LDLRAD3: variants seen among roughly 807,000 people sequenced by gnomAD.
LDLRAD3 encodes the protein low density lipoprotein receptor class A domain containing 3.
A neutral mutation model predicts 29.4 loss-of-function variants in LDLRAD3; 20 were observed. The observed-to-expected ratio is 0.68, with a 90% CI of 0.48 to 0.99. LDLRAD3 has a LOEUF of 0.99. Ranked by LOEUF, LDLRAD3 falls within the 50% of genes least tolerant of loss-of-function variation. The probability of loss-of-function intolerance (pLI) is 0.00; values close to 1 mark genes in which losing one functional copy is unlikely to be tolerated. For synonymous variants in LDLRAD3, 157 were observed against 192.7 expected, an observed-to-expected ratio of 0.81 and a Z score of 1.53; for missense variants, 420 against 454.3, an observed-to-expected ratio of 0.92 and a Z score of 0.69.
chr11:36,026,361 C>T (rs1185662684), intron 1 of LDLRAD3, among the ~76,000 whole-genome samples: 5 of 152,198 alleles, frequency 3.3e-5, no homozygotes, highest in Admixed American at 2.0e-4. Flanking sequence ...TAGTGTCTCA[C>T]TGAATGTTCT....
intron 2 of LDLRAD3, among the ~76,000 whole-genome samples, chr11:36,064,187 T>C (rs1418329942): frequency 2.0e-5 from 3 of 152,242 alleles, no homozygotes; most frequent in Non-Finnish European, 4.4e-5. Context: ...ATGGAATTGT[T>C]TTCATAATTT....
intron 4 of LDLRAD3, among the ~76,000 whole-genome samples, chr11:36,149,027 G>A (rs367610335): frequency 2.6e-5 from 4 of 152,246 alleles, no homozygotes; most frequent in East Asian, 3.9e-4. Context: ...GCCCCATGTC[G>A]CACACTGGGA....
rs114854370 is a variant in LDLRAD3 at position 36,070,556 on chromosome 11, A to G, written c.194-11097A>G. ...TAGGTCCCTCATTGGCTGTGTAGCC[A>G]TGATTCTTGGAGCGGCAATAACATC... is the stretch of plus-strand genomic sequence containing the variant. On this transcript the variant is annotated intron_variant, in intron 2 of 5. Transcript: ENST00000315571. Among the ~76,000 whole-genome samples, 652 of 152,316 alleles carry G rather than the reference A, an allele frequency of 4.3e-3. 4 individuals are homozygous for G. The highest frequency in any genetic ancestry group is 0.015 in the African/African-American group (623 of 41,564).
intron 4 of LDLRAD3, among the ~76,000 whole-genome samples, chr11:36,133,034 G>A (rs1356738766): frequency 6.6e-6 from 1 of 152,166 alleles, no homozygotes; most frequent in Non-Finnish European, 1.5e-5. Context: ...ACAGCCTCTT[G>A]TCTAGTGTTT....
rs534199816 is a variant in LDLRAD3 at position 36,084,215 on chromosome 11, A to C, written c.319+2437A>C. Among the ~76,000 whole-genome samples the C allele has an allele frequency of 1.7e-3, 265 of 152,328 alleles. 2 individuals are homozygous for C. The highest frequency in any genetic ancestry group is 3.9e-3 in the Admixed American group (59 of 15,306). ...GCTGGGATTATAGGCATGAGCCACC[A>C]TGCCTGGTCTGGTCTTTAATTTTCT... On this transcript the variant is annotated intron_variant, in intron 3 of 5. Transcript: ENST00000315571.
intron 4 of LDLRAD3, among the ~76,000 whole-genome samples, chr11:36,199,804 G>A (rs77481249): frequency 0.014 from 2,087 of 152,308 alleles, 48 homozygotes; most frequent in African/African-American, 0.047. Context: ...TGAATAAAGT[G>A]AGTAACCAAG....
intron 4 of LDLRAD3, among the ~76,000 whole-genome samples, chr11:36,153,649 C>A (rs939769404): frequency 6.6e-6 from 1 of 152,096 alleles, no homozygotes; most frequent in East Asian, 1.9e-4. Flanking sequence ...AGTGGAACAT[C>A]CCTTTTTGCA....
At chr11:36,121,267 C>T (rs1298932616) in intron 4 of LDLRAD3, among the ~76,000 whole-genome samples, 1 of 151,958 alleles carries the variant, frequency 6.6e-6, no homozygotes, top group African/African-American at 2.4e-5. Context: ...AAGGGTTTGC[C>T]TAAGTGAGAG....
At chr11:36,063,762 A>T (rs1852744001) in intron 2 of LDLRAD3, among the ~76,000 whole-genome samples, 2 of 152,214 alleles carry the variant, frequency 1.3e-5, no homozygotes, top group Non-Finnish European at 2.9e-5. Flanking sequence ...TATTTTATTG[A>T]TCCATATGTG....
At chr11:36,223,659 G>A (rs1044642222) in intron 4 of LDLRAD3, among the ~76,000 whole-genome samples, 1 of 152,050 alleles carries the variant, frequency 6.6e-6, no homozygotes, top group African/African-American at 2.4e-5. Flanking sequence ...GGTTGAAGCT[G>A]TTGAACCAAG....
At chr11:36,054,711 G>GGATGGATGGA (rs1852580722) in intron 2 of LDLRAD3, among the ~76,000 whole-genome samples, 1 of 146,222 alleles carries the variant, frequency 6.8e-6, no homozygotes, top group Admixed American at 6.8e-5. Flanking sequence ...GGATGGGTGG[G>GGATGGATGGA]TGGATGGATG....
chr11:36,118,520 A>G (rs1853706166), intron 4 of LDLRAD3, among the ~76,000 whole-genome samples: 1 of 151,042 alleles, frequency 6.6e-6, no homozygotes, highest in African/African-American at 2.4e-5. Context: ...TGTGAGAGAG[A>G]GAGAGAGAAG....
At chr11:36,109,122 A>G (rs551441384) in intron 4 of LDLRAD3, among the ~76,000 whole-genome samples, 1 of 152,318 alleles carries the variant, frequency 6.6e-6, no homozygotes, top group South Asian at 2.1e-4. Context: ...TGCTAGAATC[A>G]GACAATGCAG....
At chr11:36,055,603 C>T (rs1852607077) in intron 2 of LDLRAD3, among the ~76,000 whole-genome samples, 1 of 152,220 alleles carries the variant, frequency 6.6e-6, no homozygotes, top group Non-Finnish European at 1.5e-5. Context: ...CCAGTCTTCC[C>T]TGGTTCAGCC....
chr11:35,959,900 C>G (rs1256454959), intron 1 of LDLRAD3, among the ~76,000 whole-genome samples: 1 of 152,138 alleles, frequency 6.6e-6, no homozygotes, highest in Admixed American at 6.5e-5. Context: ...CCATTCTACT[C>G]CAGCTTTGGT....
intron 4 of LDLRAD3, among the ~76,000 whole-genome samples, chr11:36,182,980 C>A (rs1206508493): frequency 6.6e-6 from 1 of 152,166 alleles, no homozygotes; most frequent in Admixed American, 6.5e-5. Context: ...TGAAGAAGCA[C>A]AAGGAATTTA....
rs764991564 is a variant in LDLRAD3, at chr11:36,006,241, C to T, written c.47-29862C>T. 5.3e-5 allele frequency among the ~76,000 whole-genome samples: 8 copies of T among 152,272 alleles called. 2 individuals are homozygous for T. In the South Asian group the frequency reaches 1.0e-3, roughly 20 times the overall value. On this transcript the variant is annotated intron_variant, in intron 1 of 5. Transcript: ENST00000315571. Reference sequence around the variant, plus strand: ...GTGGGCGCCATAGTTACCAGAGTTACAATTAATTCACAGATTAGGGGAAAA... The same window carrying T: ...GTGGGCGCCATAGTTACCAGAGTTATAATTAATTCACAGATTAGGGGAAAA...
intron 4 of LDLRAD3, among the ~76,000 whole-genome samples, chr11:36,102,948 A>G (rs1853471609): frequency 6.6e-6 from 1 of 152,194 alleles, no homozygotes; most frequent in South Asian, 2.1e-4. Context: ...AAATGTGATT[A>G]GATCTTAGAT....
At chr11:36,068,713 T>A (rs890210734) in intron 2 of LDLRAD3, among the ~76,000 whole-genome samples, 2 of 152,164 alleles carry the variant, frequency 1.3e-5, no homozygotes, top group African/African-American at 4.8e-5. Context: ...AGATGGGGTT[T>A]CACCGTGTTA....
Sources: gnomAD v4.1 joint callset for allele counts (sites outside exome capture counted in the v4.1 genomes callset) on GRCh38, gnomAD v4.1.1 for gene constraint, MANE v1.5 for transcripts, NCBI Gene and HGNC (gene_info 2026-07-23, HGNC 2026-07-21) for gene names.